ECE1: variants seen among roughly 807,000 people sequenced by gnomAD.
ECE1 encodes the protein endothelin-converting enzyme 1.
A neutral mutation model predicts 98.6 loss-of-function variants in ECE1; 35 were observed. That is an observed-to-expected ratio of 0.35 (90% confidence interval 0.27 to 0.47). The LOEUF (loss-of-function observed/expected upper bound fraction) is 0.47, where lower values mean the gene tolerates loss of function less well. Among genes scored for constraint, ECE1 ranks in the 20% least tolerant of loss-of-function variants. The probability of loss-of-function intolerance (pLI) is 1.00; values close to 1 mark genes in which losing one functional copy is unlikely to be tolerated. For synonymous variants in ECE1, 394 were observed against 407.1 expected (o/e 0.97, Z 0.39); for missense variants, 814 against 1,025.3 (o/e 0.79, Z 2.81).
At chr1:21,223,047 TCTCTGCAACCTCCACCTC>T (rs1169853520) in intron 17 of ECE1, among the ~76,000 whole-genome samples, 5 of 151,542 alleles carry the variant, frequency 3.3e-5, no homozygotes, top group Non-Finnish European at 7.4e-5. Flanking sequence ...CAATCTTGGC[TCTCTGCAACCTCCACCTC>T]CTAGGCTCAA....
At position 21,225,197 on chromosome 1, in the gene ECE1, T is replaced by A. The variant is rs963890287; in HGVS notation, c.2040+53A>T. 10 of 1,602,246 alleles carry A rather than the reference T, an allele frequency of 6.2e-6. No individual in the cohort carries two copies. The highest frequency in any genetic ancestry group is 1.1e-5 in the South Asian group (1 of 90,768). ...CGTGATGATCCTCTACGGACAGGCATCTGGAAGGAGCCAGCACTGGGACCG... is the reference window on the plus strand; with the variant it reads ...CGTGATGATCCTCTACGGACAGGCAACTGGAAGGAGCCAGCACTGGGACCG... On this transcript the variant is annotated intron_variant, in intron 17 of 18. Coordinates refer to ENST00000374893, the MANE Select transcript of ECE1 (RefSeq NM_001397.3). This position sits in a 1 kb window ranked among gnomAD's most constrained non-coding sequence, Gnocchi z 5.3.
chr1:21,273,942 C>T lies in ECE1; in HGVS notation c.281-1031G>A, dbSNP rs75131934. 3.3e-3 allele frequency among the ~76,000 whole-genome samples: 508 copies of T among 152,320 alleles called. 4 individuals carry two copies. Among genetic ancestry groups the T allele is most frequent in the African/African-American group, 0.012 (493 of 41,560 alleles). ...AAGGACCCAAAGCCTGGGTGGCCTA[C>T]GCAGAGGCCTGGCCTGAGGCAGCAA... On this transcript the variant is annotated intron_variant, in intron 3 of 18. Transcript: ENST00000374893.
At chr1:21,266,610 C>G (rs1464855196) in intron 4 of ECE1, 2 of 152,184 alleles carry the variant, frequency 1.3e-5, no homozygotes, top group Admixed American at 1.3e-4. Context: ...ACTGGCCTAT[C>G]AAGGCAGAGC....
chr1:21,236,198 C>T (rs2098187791), intron 12 of ECE1, among the ~76,000 whole-genome samples: 1 of 152,286 alleles, frequency 6.6e-6, no homozygotes, highest in Admixed American at 6.5e-5. Flanking sequence ...ACCCACGGGA[C>T]GTGCTGCGTT....
intron 2 of ECE1, among the ~76,000 whole-genome samples, chr1:21,285,358 G>A (rs899055607): frequency 5.3e-5 from 8 of 152,090 alleles, no homozygotes; most frequent in Non-Finnish European, 1.0e-4. Flanking sequence ...GCAGTCTCTG[G>A]GCCTCAGTCT....
intron 8 of ECE1, among the ~76,000 whole-genome samples, chr1:21,249,995 T>G (rs1457693519): frequency 2.0e-5 from 3 of 150,788 alleles, no homozygotes; most frequent in Non-Finnish European, 4.4e-5. Context: ...GTCAGACTGG[T>G]CTCGAACTCC....
intron 17 of ECE1, among the ~76,000 whole-genome samples, chr1:21,222,697 C>G: frequency 6.6e-6 from 1 of 151,634 alleles, no homozygotes; most frequent in South Asian, 2.1e-4. Flanking sequence ...AAAAATTAGC[C>G]GAGGTGCGGT....
At chr1:21,304,669 G>A (rs547108543) in intron 1 of ECE1, among the ~76,000 whole-genome samples, 58 of 152,310 alleles carry the variant, frequency 3.8e-4, no homozygotes, top group African/African-American at 1.4e-3. Flanking sequence ...TACTGGAAGG[G>A]CACATGAGGG....
At chr1:21,330,979 A>G (rs1402390824) in intron 1 of ECE1, among the ~76,000 whole-genome samples, 2 of 152,220 alleles carry the variant, frequency 1.3e-5, no homozygotes, top group Non-Finnish European at 2.9e-5. Context: ...TTATGGAGGA[A>G]GCACAAGTTG....
chr1:21,236,486 C>T (rs1295759008), intron 12 of ECE1, among the ~76,000 whole-genome samples: 2 of 152,236 alleles, frequency 1.3e-5, no homozygotes, highest in Non-Finnish European at 2.9e-5. Context: ...CCCATCTCTA[C>T]TAAAAATACA....
rs1250123302 is a variant in ECE1 at position 21,258,720 on chromosome 1, G to C, written c.735C>G (p.Ser245=). The C allele has an allele frequency of 1.2e-6, 2 of 1,614,092 alleles. No individual in the cohort carries two copies. Among genetic ancestry groups the C allele is most frequent in the East Asian group, 2.2e-5 (1 of 44,882 alleles). Residue 245 remains serine (S), a synonymous_variant, in exon 6 of 19, where the codon TCC becomes TCG. Coordinates refer to ENST00000374893, the MANE Select transcript of ECE1 (RefSeq NM_001397.3). This position sits in a 1 kb window ranked among gnomAD's most constrained non-coding sequence, Gnocchi z 4.2. ...GGATCACGTTGCTGTTGGAGTTCTT[G>C]GAATCGGCACTGACATAGACAGAGA... ...PFFSVYVSAD[S]KNSNSNVIQV...
chr1:21,242,860 A>G (rs61779138), intron 10 of ECE1, among the ~76,000 whole-genome samples: 37,448 of 152,214 alleles, frequency 0.25, 5,428 homozygotes, highest in Non-Finnish European at 0.31. Flanking sequence ...AGCTCGCTGC[A>G]GCCTTAAACT....
chr1:21,323,215 A>T (rs1639000065), intron 1 of ECE1, among the ~76,000 whole-genome samples: 1 of 152,144 alleles, frequency 6.6e-6, no homozygotes, highest in African/African-American at 2.4e-5. Context: ...ATGAAACCTC[A>T]AGAGTGGATA....
At chr1:21,248,557 T>A (rs773537087) in intron 8 of ECE1, among the ~76,000 whole-genome samples, 9 of 152,246 alleles carry the variant, frequency 5.9e-5, no homozygotes, top group Middle Eastern at 6.8e-3. Flanking sequence ...TCCAGACCTG[T>A]AACTCTCAGC....
chr1:21,275,660 T>C (rs1055670247), intron 3 of ECE1, among the ~76,000 whole-genome samples: 1 of 152,184 alleles, frequency 6.6e-6, no homozygotes. Context: ...TTGCTGGACA[T>C]TGGGCTAGGG....
At chr1:21,321,511 A>G (rs1483318015) in intron 1 of ECE1, among the ~76,000 whole-genome samples, 2 of 152,142 alleles carry the variant, frequency 1.3e-5, no homozygotes, top group Non-Finnish European at 2.9e-5. Context: ...TTCACAAGTA[A>G]TCAATATGGA....
At chr1:21,323,292 G>C (rs563787977) in intron 1 of ECE1, among the ~76,000 whole-genome samples, 16 of 152,140 alleles carry the variant, frequency 1.1e-4, no homozygotes, top group Non-Finnish European at 1.8e-4. Flanking sequence ...TGGAACCGGC[G>C]GGGGGAGGGT....
rs212522 is a variant in ECE1 at position 21,255,932 on chromosome 1, C to T, written c.1020+15G>A. 199,253 of 1,613,326 alleles carry T rather than the reference C, an allele frequency of 0.12. 13,261 individuals carry two copies. The highest frequency in any genetic ancestry group is 0.18 in the East Asian group (8,225 of 44,886). ...AGGCCATCCCAGCCTCCCTAGCAGC[C>T]GGCGCTCAAGTTACCTGCAGCTCGG... On this transcript the variant is annotated intron_variant, in intron 8 of 18. Transcript: ENST00000374893.
chr1:21,234,761 G>A (rs2098186031), intron 13 of ECE1, among the ~76,000 whole-genome samples: 2 of 152,170 alleles, frequency 1.3e-5, no homozygotes, highest in Admixed American at 6.5e-5. Flanking sequence ...TTACAAGCAT[G>A]AGCCACTGCG....
Sources: gnomAD v4.1 joint callset for allele counts (sites outside exome capture counted in the v4.1 genomes callset) on GRCh38, gnomAD v4.1.1 for gene constraint, Gnocchi (gnomAD v3.1) non-coding constraint, MANE v1.5 for transcripts, NCBI Gene and HGNC (gene_info 2026-07-23, HGNC 2026-07-21) for gene names.